The following PPP1R2 variants were observed in gnomAD, a reference collection of about 807,000 sequenced individuals.
PPP1R2 encodes protein phosphatase inhibitor 2.
PPP1R2 carries 16 observed loss-of-function variants against 29.9 expected under a neutral mutation model. That is an observed-to-expected ratio of 0.53 (90% CI 0.36 to 0.81). The LOEUF (loss-of-function observed/expected upper bound fraction) is 0.81. Ranked by LOEUF, PPP1R2 falls within the 30% of genes least tolerant of loss-of-function variation. PPP1R2 has a pLI of 0.00. For synonymous variants in PPP1R2, 76 were observed against 91.5 expected (o/e 0.83, Z 0.96); for missense variants, 197 against 252.7 (o/e 0.78, Z 1.49).
chr3:195,532,818 A>G (rs892117170), intron 1 of PPP1R2, among the ~76,000 whole-genome samples: 4 of 152,232 alleles, frequency 2.6e-5, no homozygotes, highest in African/African-American at 9.7e-5. Flanking sequence ...TAGTTATGTC[A>G]TAAGTGCATT....
In PPP1R2 at chr3:195,515,104, T is replaced by G; in HGVS notation, c.*1792A>C. The G allele has an allele frequency of 4.0e-6, 1 of 251,872 alleles. No homozygotes were observed. Among genetic ancestry groups the G allele is most frequent in the Non-Finnish European group, 8.4e-6 (1 of 119,356 alleles). The allele number at this position is 251,872 out of a possible 1,614,324, so 15.6% of individuals were successfully genotyped here. A position where few individuals can be genotyped will look rare whatever the true frequency, so the allele number is the denominator to read the frequency against. The stretch of plus-strand genomic sequence containing the variant: ...GCATGAATATATGTGCACGCACATG[T>G]ACAGACTTAATCTCTACATCCCCCA... On this transcript the variant is annotated 3_prime_UTR_variant, in exon 6 of 6. Coordinates refer to ENST00000618156, the MANE Select transcript of PPP1R2 (RefSeq NM_006241.8).
chr3:195,517,684 C>T (rs1383382265), intron 5 of PPP1R2, among the ~76,000 whole-genome samples: 4 of 151,410 alleles, frequency 2.6e-5, no homozygotes, highest in African/African-American at 4.9e-5. Context: ...AAAGAAATGG[C>T]GTTAAAACAA....
intron 2 of PPP1R2, among the ~76,000 whole-genome samples, chr3:195,525,152 C>A (rs1200252427): frequency 6.6e-6 from 1 of 152,152 alleles, no homozygotes; most frequent in African/African-American, 2.4e-5. Context: ...ACAGGATCCA[C>A]ATCCATGAAT....
intron 3 of PPP1R2, among the ~76,000 whole-genome samples, chr3:195,524,076 A>C (rs1354965891): frequency 1.3e-5 from 2 of 151,796 alleles, no homozygotes; most frequent in Non-Finnish European, 2.9e-5. Flanking sequence ...TGATAGAACA[A>C]GGCCCTGTCT....
chr3:195,524,766 T>G, intron 3 of PPP1R2, 53 bp downstream of exon 3: 3 of 1,566,330 alleles, frequency 1.9e-6, no homozygotes, highest in Non-Finnish European at 2.6e-6. Context: ...CTTTCAACTC[T>G]GCACGATTAT....
chr3:195,532,600 T>C (rs1391201671), intron 1 of PPP1R2, among the ~76,000 whole-genome samples: 2 of 152,140 alleles, frequency 1.3e-5, no homozygotes, highest in African/African-American at 4.8e-5. Flanking sequence ...TCAGTTACCC[T>C]TTACTATAGA....
At chr3:195,520,473 G>A (rs943216374) in intron 4 of PPP1R2, among the ~76,000 whole-genome samples, 12 of 152,220 alleles carry the variant, frequency 7.9e-5, no homozygotes, top group South Asian at 6.2e-4. Context: ...TTAGCTGGGT[G>A]TGGTAGTACA....
chr3:195,523,821 G>A (rs1445430531), intron 3 of PPP1R2, 35 bp from the exon 4 acceptor site: 1 of 1,541,064 alleles, frequency 6.5e-7, no homozygotes, highest in East Asian at 2.2e-5. Flanking sequence ...AATTAACAGT[G>A]ATGTTTTGAT....
intron 2 of PPP1R2, among the ~76,000 whole-genome samples, chr3:195,527,436 T>C (rs941007745): frequency 6.6e-6 from 1 of 151,450 alleles, no homozygotes; most frequent in African/African-American, 2.4e-5. Flanking sequence ...GGTGACAGAG[T>C]GAGACTCTGT....
At chr3:195,528,867 CTT>C (rs755404825) in intron 2 of PPP1R2, 62 of 134,186 alleles carry the variant, frequency 4.6e-4, no homozygotes, top group Middle Eastern at 3.7e-3. Flanking sequence ...AAGGTATTAT[CTT>C]TTTTTTTTTT....
chr3:195,528,149 C>A (rs1308426996), intron 2 of PPP1R2, among the ~76,000 whole-genome samples: 2 of 152,080 alleles, frequency 1.3e-5, no homozygotes, highest in Non-Finnish European at 2.9e-5. Flanking sequence ...TCAACCCCCT[C>A]TCACCCCTCC....
chr3:195,527,904 T>A (rs1338790862), intron 2 of PPP1R2: 1 of 372,122 alleles, frequency 2.7e-6, no homozygotes, highest in Non-Finnish European at 5.1e-6. Flanking sequence ...AGTATATACC[T>A]GCAATTTAGG....
intron 1 of PPP1R2, among the ~76,000 whole-genome samples, chr3:195,540,554 A>G (rs78102758): frequency 0.048 from 7,298 of 152,278 alleles, 286 homozygotes; most frequent in South Asian, 0.17. Flanking sequence ...TTGATCTCCA[A>G]TGTGGCAGTG....
chr3:195,524,197 ATT>A (rs2108942107), intron 3 of PPP1R2, among the ~76,000 whole-genome samples: 1 of 152,242 alleles, frequency 6.6e-6, no homozygotes, highest in East Asian at 1.9e-4. Context: ...GAATTAACTT[ATT>A]TTTGCCTTTC....
In PPP1R2 at chr3:195,516,042, T is replaced by C. The variant is rs1357765254; in HGVS notation, c.*854A>G. On this transcript the variant is annotated 3_prime_UTR_variant, in exon 6 of 6. Coordinates refer to ENST00000618156, the MANE Select transcript of PPP1R2 (RefSeq NM_006241.8). Reference sequence around the variant, plus strand: ...ACAGTCTTAATGATCCTTTAAAAGGTAGAAGATTGTGTGCGTATGTGTGGA... The same window carrying C: ...ACAGTCTTAATGATCCTTTAAAAGGCAGAAGATTGTGTGCGTATGTGTGGA... 2.0e-5 allele frequency: 3 copies of C among 152,100 alleles called. No individual in the cohort carries two copies. The highest frequency in any genetic ancestry group is 4.2e-4 in the South Asian group (2 of 4,810). The allele number at this position is 152,100 out of a possible 1,614,324, so 9.4% of individuals were successfully genotyped here. A position where few individuals can be genotyped will look rare whatever the true frequency, so the allele number is the denominator to read the frequency against.
At chr3:195,522,879 A>C (rs745971368) in intron 4 of PPP1R2, among the ~76,000 whole-genome samples, 2 of 152,226 alleles carry the variant, frequency 1.3e-5, no homozygotes, top group Non-Finnish European at 2.9e-5. Context: ...GGTTTCTACC[A>C]TATTTTCCTT....
chr3:195,525,912 C>G (rs1485394760), intron 2 of PPP1R2, among the ~76,000 whole-genome samples: 2 of 151,834 alleles, frequency 1.3e-5, no homozygotes, highest in Non-Finnish European at 2.9e-5. Flanking sequence ...TTTAATCAAG[C>G]AAAGTAAGGT....
intron 5 of PPP1R2, among the ~76,000 whole-genome samples, chr3:195,518,243 AT>A (rs1443242379): frequency 1.3e-5 from 2 of 152,214 alleles, no homozygotes; most frequent in African/African-American, 4.8e-5. Context: ...TAAAAAAAAA[AT>A]AAAAACAAAA....
intron 1 of PPP1R2, among the ~76,000 whole-genome samples, chr3:195,531,814 T>A (rs1719189430): frequency 2.6e-5 from 4 of 152,192 alleles, no homozygotes; most frequent in African/African-American, 9.7e-5. Context: ...TCCAGAACTT[T>A]TTCATCTTCC....
Sources: gnomAD v4.1 joint callset for allele counts (sites outside exome capture counted in the v4.1 genomes callset) on GRCh38, gnomAD v4.1.1 for gene constraint, MANE v1.5 for transcripts, NCBI Gene and HGNC (gene_info 2026-07-23, HGNC 2026-07-21) for gene names.